Variants in SHANK2 observed in about 807,000 individuals in gnomAD.
The protein encoded by SHANK2 is SH3 and multiple ankyrin repeat domains protein 2.
In SHANK2, 43 loss-of-function variants were observed where a neutral mutation model predicts 133.7. That is an observed-to-expected ratio of 0.32 (90% CI 0.25 to 0.41). SHANK2 has a LOEUF of 0.41. SHANK2 is among the 10% of genes least tolerant of loss of function. The probability of loss-of-function intolerance (pLI) is 1.00; values close to 1 mark genes in which losing one functional copy is unlikely to be tolerated. For synonymous variants in SHANK2, 1,017 were observed against 952.8 expected, an observed-to-expected ratio of 1.07 and a Z score of -1.24; for missense variants, 1,994 against 2,235.8, an observed-to-expected ratio of 0.89 and a Z score of 2.18.
chr11:70,715,242 C>T (rs573401839), intron 14 of SHANK2, among the ~76,000 whole-genome samples: 1 of 152,178 alleles, frequency 6.6e-6, no homozygotes, highest in Non-Finnish European at 1.5e-5. Flanking sequence ...GAGGAAGGAC[C>T]CTCATTGGAG....
At position 71,188,742 on chromosome 11, in the gene SHANK2, C is replaced by G. The variant is rs1953726329; in HGVS notation, c.-13+35955G>C. Among the ~76,000 whole-genome samples, 1 of 152,196 alleles carries G rather than the reference C, an allele frequency of 6.6e-6. No individual in the cohort carries two copies. The highest frequency in any genetic ancestry group is 6.5e-5 in the Admixed American group (1 of 15,288). On this transcript the variant is annotated intron_variant, in intron 2 of 25. Coordinates refer to ENST00000601538, the MANE Select transcript of SHANK2 (RefSeq NM_012309.5). This position sits in a 1 kb window ranked among gnomAD's most constrained non-coding sequence, Gnocchi z 4.6. ...CTCTCCTCATCTGCTGAGGGCCTGC[C>G]ACGTCCCTGCACTGTGCTGGGTGCT...
At chr11:70,748,031 C>T (rs782053389) in intron 14 of SHANK2, among the ~76,000 whole-genome samples, 7 of 148,736 alleles carry the variant, frequency 4.7e-5, no homozygotes, top group East Asian at 1.9e-4. Flanking sequence ...GGAGCTGAAA[C>T]GGGGGTTATC....
intron 17 of SHANK2, among the ~76,000 whole-genome samples, chr11:70,531,315 C>T (rs2059466915): frequency 6.6e-6 from 1 of 152,252 alleles, no homozygotes; most frequent in African/African-American, 2.4e-5. Flanking sequence ...TGGGCCTTTG[C>T]ATCCATCTGT....
Position 70,487,953 on chromosome 11 carries a change from C to T in SHANK2, c.2573-233G>A, listed in dbSNP as rs1312871061. On this transcript the variant is annotated intron_variant, in intron 24 of 25. Coordinates refer to ENST00000601538, the MANE Select transcript of SHANK2 (RefSeq NM_012309.5). This position sits in a 1 kb window ranked among gnomAD's most constrained non-coding sequence, Gnocchi z 5.8. ...CACTGGGGATGCTGTGAGTACGCTG[C>T]TGCTGTGGGGCCTCCAGGCACAGGC... Among the ~76,000 whole-genome samples the T allele has an allele frequency of 1.3e-5, 2 of 152,226 alleles. No individual in the cohort carries two copies. The highest frequency in any genetic ancestry group is 2.4e-5 in the African/African-American group (1 of 41,460).
intron 14 of SHANK2, among the ~76,000 whole-genome samples, chr11:70,745,642 G>C (rs371845719): frequency 6.6e-6 from 1 of 152,076 alleles, no homozygotes. Flanking sequence ...CGTGGGTCTC[G>C]TGTAGAGTAA....
chr11:71,223,766 G>A (rs1199403547), intron 2 of SHANK2, among the ~76,000 whole-genome samples: 1 of 152,170 alleles, frequency 6.6e-6, no homozygotes, highest in Non-Finnish European at 1.5e-5. Context: ...CAGCTGAGAG[G>A]CCCTTCCCTG....
At chr11:70,667,461 C>G (rs1035418903) in intron 15 of SHANK2, among the ~76,000 whole-genome samples, 1 of 152,158 alleles carries the variant, frequency 6.6e-6, no homozygotes, top group Non-Finnish European at 1.5e-5. Context: ...GGTCTCTCCC[C>G]GCTGGCAGGC....
chr11:70,922,881 C>T (rs1318110905), intron 10 of SHANK2, among the ~76,000 whole-genome samples: 4 of 151,882 alleles, frequency 2.6e-5, no homozygotes, highest in Non-Finnish European at 5.9e-5. Flanking sequence ...AAACAAAATA[C>T]AACATCCCCT....
intron 21 of SHANK2, among the ~76,000 whole-genome samples, chr11:70,499,024 A>T (rs1555157731): frequency 6.6e-6 from 1 of 152,208 alleles, no homozygotes; most frequent in African/African-American, 2.4e-5. Context: ...TTTGTTCCAC[A>T]TGGCCTTTCT....
chr11:71,099,551 A>T (rs1033165755), intron 6 of SHANK2, among the ~76,000 whole-genome samples: 2 of 152,234 alleles, frequency 1.3e-5, no homozygotes, highest in Non-Finnish European at 1.5e-5. Flanking sequence ...TGCTGCTCAG[A>T]GAGGCAGAAA....
chr11:70,614,793 T>G (rs2060716193), intron 17 of SHANK2, among the ~76,000 whole-genome samples: 1 of 152,238 alleles, frequency 6.6e-6, no homozygotes, highest in Non-Finnish European at 1.5e-5. Flanking sequence ...CCTCTGAGCC[T>G]GGGGTGAGCC....
rs551387859 is a variant in SHANK2, at chr11:71,139,931, G to A, written c.207+7189C>T. ...AGCAGCAGTGGGCCCGGACAGCAGC[G>A]GAGGAGGGGTGGCATTGGGGGAGAA... On this transcript the variant is annotated intron_variant, in intron 3 of 25. Transcript: ENST00000601538. 9.9e-4 allele frequency among the ~76,000 whole-genome samples: 151 copies of A among 152,330 alleles called. 1 individual carries two copies. Among genetic ancestry groups the A allele is most frequent in the Non-Finnish European group, 1.9e-3 (131 of 68,038 alleles).
At chr11:71,114,585 G>T (rs1565459243) in intron 4 of SHANK2, among the ~76,000 whole-genome samples, 2 of 152,300 alleles carry the variant, frequency 1.3e-5, no homozygotes, top group East Asian at 3.9e-4. Flanking sequence ...TCTGTGAAGC[G>T]CAGGCTGCAC....
chr11:70,886,562 G>T (rs1949749142), intron 11 of SHANK2, among the ~76,000 whole-genome samples: 1 of 152,158 alleles, frequency 6.6e-6, no homozygotes, highest in South Asian at 2.1e-4. Context: ...CAGTCAAAAT[G>T]CCAGGTAAAC....
intron 21 of SHANK2, chr11:70,496,919 C>G (rs2058979557): frequency 2.2e-6 from 1 of 455,982 alleles, no homozygotes; most frequent in African/African-American, 2.0e-5. Context: ...TGGGGCTGGT[C>G]ATGTCATTGA....
intron 11 of SHANK2, among the ~76,000 whole-genome samples, chr11:70,822,433 G>C (rs539454988): frequency 2.6e-5 from 4 of 152,320 alleles, no homozygotes; most frequent in African/African-American, 9.6e-5. Context: ...CAGAACTCAA[G>C]GGGGATAGAG....
At position 70,486,994 on chromosome 11, in the gene SHANK2, G is replaced by A. The variant is rs200213968; in HGVS notation, c.3299C>T (p.Pro1100Leu). The A allele has an allele frequency of 1.1e-4, 177 of 1,611,002 alleles. No individual in the cohort carries two copies. The highest frequency in any genetic ancestry group is 1.6e-4 in the Middle Eastern group (1 of 6,070). Residue 1100 changes from proline (P) to leucine (L), a missense_variant, in exon 25 of 26, where the codon CCG becomes CTG. Around this residue, in one of 5 missense-constraint regions of SHANK2, gnomAD observed 488 missense variants for 642.6 expected, o/e 0.76. Coordinates refer to ENST00000601538, the MANE Select transcript of SHANK2 (RefSeq NM_012309.5). This position sits in a 1 kb window ranked among gnomAD's most constrained non-coding sequence, Gnocchi z 8.0. Reference protein sequence around the residue: ...EKRLEARRNSPAFLSTDLGDE... With the variant: ...EKRLEARRNSLAFLSTDLGDE... ...CCCCAGGTCTGTGGAGAGGAAGGCCGGGGAGTTCCTCCTGGCTTCCAGCCG... is the reference window on the plus strand; with the variant it reads ...CCCCAGGTCTGTGGAGAGGAAGGCCAGGGAGTTCCTCCTGGCTTCCAGCCG...
intron 14 of SHANK2, chr11:70,705,177 T>A (rs552618900): frequency 6.6e-6 from 1 of 152,290 alleles, no homozygotes; most frequent in South Asian, 2.1e-4. Flanking sequence ...TTAAGGCTAG[T>A]CAGGTGAAGC....
At chr11:70,685,307 C>T (rs899888181) in intron 15 of SHANK2, among the ~76,000 whole-genome samples, 3 of 152,190 alleles carry the variant, frequency 2.0e-5, no homozygotes, top group Non-Finnish European at 4.4e-5. Context: ...ATCTTCCTGG[C>T]TCCTCCCCTT....
Sources: gnomAD v4.1 joint callset for allele counts (sites outside exome capture counted in the v4.1 genomes callset) on GRCh38, gnomAD v4.1.1 for gene constraint, gnomAD v4.1.1 regional missense constraint, Gnocchi (gnomAD v3.1) non-coding constraint, MANE v1.5 for transcripts, NCBI Gene and HGNC (gene_info 2026-07-23, HGNC 2026-07-21) for gene names.